Variants in CAB39 observed in about 807,000 individuals in gnomAD.
The protein encoded by CAB39 is calcium-binding protein 39.
A neutral mutation model predicts 40.0 loss-of-function variants in CAB39; 8 were observed. The ratio of observed to expected loss-of-function variants is 0.20; its 90% CI spans 0.12 to 0.36. The LOEUF (loss-of-function observed/expected upper bound fraction) is 0.36. Ranked by LOEUF, CAB39 falls within the 10% of genes least tolerant of loss-of-function variation. The probability of loss-of-function intolerance (pLI) is 1.00; values close to 1 mark genes in which losing one functional copy is unlikely to be tolerated. For missense variants in CAB39, 270 were observed against 401.1 expected (o/e 0.67, Z 2.79); for synonymous variants, 156 against 141.6 (o/e 1.10, Z -0.72).
chr2:230,781,560 G>T (rs1432442784), intron 2 of CAB39, among the ~76,000 whole-genome samples: 1 of 152,254 alleles, frequency 6.6e-6, no homozygotes, highest in African/African-American at 2.4e-5. Flanking sequence ...ACTGAAATGT[G>T]CAGGCTTGGC....
At chr2:230,805,061 G>A (rs939543521) in intron 5 of CAB39, among the ~76,000 whole-genome samples, 1 of 146,730 alleles carries the variant, frequency 6.8e-6, no homozygotes, top group Non-Finnish European at 1.5e-5. Context: ...GGAATACTAT[G>A]CAGCCTTAAA....
chr2:230,736,553 AAG>A (rs1694791248), intron 1 of CAB39, among the ~76,000 whole-genome samples: 1 of 152,202 alleles, frequency 6.6e-6, no homozygotes, highest in Non-Finnish European at 1.5e-5. Context: ...CAAAGAAAGA[AAG>A]AGCAAATCCA....
chr2:230,774,386 C>A (rs1024720881), intron 2 of CAB39, among the ~76,000 whole-genome samples: 1 of 151,858 alleles, frequency 6.6e-6, no homozygotes, highest in African/African-American at 2.4e-5. Flanking sequence ...GAGACTAATT[C>A]TTTTAAAAGA....
chr2:230,788,148 ATAT>A (rs1248903178), intron 2 of CAB39, among the ~76,000 whole-genome samples: 1 of 152,044 alleles, frequency 6.6e-6, no homozygotes, highest in Non-Finnish European at 1.5e-5. Context: ...GCTTCACTTT[ATAT>A]AAGTTTTTAT....
At chr2:230,788,884 G>C (rs1228118965) in intron 2 of CAB39, among the ~76,000 whole-genome samples, 1 of 152,078 alleles carries the variant, frequency 6.6e-6, no homozygotes, top group African/African-American at 2.4e-5. Context: ...TTGTCTTCTT[G>C]TTTCTCATGC....
intron 5 of CAB39, among the ~76,000 whole-genome samples, chr2:230,806,064 C>T (rs1326353738): frequency 6.6e-6 from 1 of 151,980 alleles, no homozygotes; most frequent in South Asian, 2.1e-4. Context: ...CACTTGAGGA[C>T]CCAGCTGTAT....
intron 1 of CAB39, among the ~76,000 whole-genome samples, chr2:230,722,078 A>T (rs1306542481): frequency 1.3e-5 from 2 of 150,470 alleles, no homozygotes; most frequent in Non-Finnish European, 3.0e-5. Flanking sequence ...GCCTGCAGTG[A>T]GAAATTATAT....
chr2:230,720,709 C>T (rs967860696), intron 1 of CAB39, among the ~76,000 whole-genome samples: 3 of 152,154 alleles, frequency 2.0e-5, no homozygotes, highest in Non-Finnish European at 4.4e-5. Context: ...CGTGAGCCAC[C>T]GCGCCAGGCT....
intron 2 of CAB39, among the ~76,000 whole-genome samples, chr2:230,773,052 A>G (rs1365738783): frequency 1.3e-5 from 2 of 152,002 alleles, no homozygotes; most frequent in East Asian, 3.8e-4. Context: ...GATTATGTTG[A>G]ACAAAAGAAG....
intron 2 of CAB39, among the ~76,000 whole-genome samples, chr2:230,788,215 A>G (rs1417897940): frequency 6.8e-6 from 1 of 146,986 alleles, no homozygotes; most frequent in South Asian, 2.1e-4. Flanking sequence ...TTGTTGGTTT[A>G]TTAGCTATAA....
chr2:230,787,076 A>C lies in CAB39; in HGVS notation c.115-3796A>C, dbSNP rs551602931. Reference sequence around the variant, plus strand: ...TAGAAAAGAATGTCATAGTCAGTAGATATTAGTGTAGGTGTAGTAAAAAGG... The same window carrying C: ...TAGAAAAGAATGTCATAGTCAGTAGCTATTAGTGTAGGTGTAGTAAAAAGG... On this transcript the variant is annotated intron_variant, in intron 2 of 8. Coordinates refer to ENST00000258418, the MANE Select transcript of CAB39 (RefSeq NM_016289.4). 5.3e-5 allele frequency among the ~76,000 whole-genome samples: 8 copies of C among 152,344 alleles called. No homozygotes were observed. In the East Asian group the frequency reaches 1.5e-3, roughly 29 times the overall value.
intron 4 of CAB39, among the ~76,000 whole-genome samples, chr2:230,798,250 C>T (rs890369529): frequency 6.6e-6 from 1 of 152,150 alleles, no homozygotes; most frequent in African/African-American, 2.4e-5. Flanking sequence ...CAAGTACTAT[C>T]TTGAGTATTG....
chr2:230,747,439 A>G (rs913536266), intron 1 of CAB39, among the ~76,000 whole-genome samples: 1 of 152,230 alleles, frequency 6.6e-6, no homozygotes, highest in African/African-American at 2.4e-5. Context: ...CTTACCTGCC[A>G]TCAACAAGGT....
At chr2:230,734,348 T>C (rs1419606953) in intron 1 of CAB39, among the ~76,000 whole-genome samples, 1 of 152,300 alleles carries the variant, frequency 6.6e-6, no homozygotes. Flanking sequence ...TTCCTAAATA[T>C]GTATCATGGA....
chr2:230,767,222 G>T (rs1695401736), intron 2 of CAB39, among the ~76,000 whole-genome samples: 3 of 152,102 alleles, frequency 2.0e-5, no homozygotes, highest in Admixed American at 2.0e-4. Flanking sequence ...CATTCTTCAT[G>T]CTCATCATTA....
intron 5 of CAB39, among the ~76,000 whole-genome samples, chr2:230,805,472 T>C (rs1002937761): frequency 1.3e-5 from 2 of 152,110 alleles, no homozygotes; most frequent in Non-Finnish European, 2.9e-5. Flanking sequence ...ATGGATTCAC[T>C]AAGAGGAAGT....
At position 230,818,372 on chromosome 2, in the gene CAB39, G is replaced by A. The variant is rs938512362; in HGVS notation, c.838-144G>A. 1.3e-4 allele frequency: 74 copies of A among 570,012 alleles called. No individual in the cohort carries two copies. The East Asian group carries it at 1.9e-3, about 15-fold the overall frequency. 35.3% of individuals were successfully genotyped at this position (570,012 alleles called of 1,614,324 possible). On this transcript the variant is annotated intron_variant, in intron 8 of 8. Coordinates refer to ENST00000258418, the MANE Select transcript of CAB39 (RefSeq NM_016289.4). ...TTTTTTTTCCAAATTGTAAAATAAC[G>A]CCTTCTAAAGCAAAACCTAATGACC...
intron 2 of CAB39, among the ~76,000 whole-genome samples, chr2:230,777,441 A>G (rs535334596): frequency 7.0e-6 from 1 of 143,304 alleles, no homozygotes; most frequent in Non-Finnish European, 1.5e-5. Context: ...TTTTTTAAAT[A>G]TGGAGTCTTG....
intron 1 of CAB39, among the ~76,000 whole-genome samples, chr2:230,722,014 T>G (rs1471696765): frequency 6.6e-6 from 1 of 152,028 alleles, no homozygotes; most frequent in African/African-American, 2.4e-5. Flanking sequence ...CAGTTGGAAT[T>G]CAACTAAGAT....
Sources: allele counts gnomAD v4.1 joint callset (sites outside exome capture counted in the v4.1 genomes callset), GRCh38; gene constraint gnomAD v4.1.1; transcripts MANE v1.5; gene names NCBI Gene and HGNC (gene_info 2026-07-23, HGNC 2026-07-21).